Variants in CD40 observed in about 807,000 individuals in gnomAD.
CD40 encodes tumor necrosis factor receptor superfamily member 5.
A neutral mutation model predicts 38.5 loss-of-function variants in CD40; 19 were observed. The ratio of observed to expected loss-of-function variants is 0.49; its 90% CI spans 0.34 to 0.72. The LOEUF is 0.72. Among genes scored for constraint, CD40 ranks in the 30% least tolerant of loss-of-function variants. CD40 has a pLI of 0.01. For synonymous variants in CD40, 130 were observed against 128.7 expected, an observed-to-expected ratio of 1.01 and a Z score of -0.07; for missense variants, 256 against 344.1, an observed-to-expected ratio of 0.74 and a Z score of 2.03.
At position 46,118,378 on chromosome 20, in the gene CD40, G is replaced by A; in HGVS notation, c.35G>A (p.Gly12Asp). 1.2e-6 allele frequency: 2 copies of A among 1,614,100 alleles called. No individual in the cohort carries two copies. The highest frequency in any genetic ancestry group is 1.7e-6 in the Non-Finnish European group (2 of 1,179,992). Residue 12 changes from glycine to aspartate, a missense_variant, in exon 1 of 9, where the codon GGC (glycine) becomes GAC (aspartate). Coordinates refer to ENST00000372285, the MANE Select transcript of CD40 (RefSeq NM_001250.6). ...VRLPLQCVLWGCLLTAVHPEP... is the reference protein window; with the variant it reads ...VRLPLQCVLWDCLLTAVHPEP... ...CTGCCTCTGCAGTGCGTCCTCTGGG[G>A]CTGCTTGCTGACCGCTGTGAGTTGT...
At chr20:46,128,596 C>T (rs868675588) in intron 8 of CD40, 3 of 707,244 alleles carry the variant, frequency 4.2e-6, no homozygotes, top group South Asian at 3.0e-5. Context: ...TCACTCCTTT[C>T]CTGGCATTCA....
chr20:46,124,553 C>G (rs1045866328), intron 5 of CD40, among the ~76,000 whole-genome samples: 1 of 54,896 alleles, frequency 1.8e-5, no homozygotes, highest in Non-Finnish European at 3.4e-5. Flanking sequence ...TACTTTTGCA[C>G]AAATAGGAGT....
Position 46,129,143 on chromosome 20 carries a change from A to G in CD40, c.*103A>G. The stretch of plus-strand genomic sequence containing the variant: ...GCGTGAGGGTGAGGGGCTGGCACTG[A>G]CTGGGCATAGCTCCCCGCTTCTGCC... On this transcript the variant is annotated 3_prime_UTR_variant, in exon 9 of 9. Coordinates refer to ENST00000372285, the MANE Select transcript of CD40 (RefSeq NM_001250.6). 1 of 1,329,404 alleles carries G rather than the reference A, an allele frequency of 7.5e-7. No individual in the cohort carries two copies. Among genetic ancestry groups the G allele is most frequent in the Non-Finnish European group, 1.1e-6 (1 of 932,694 alleles). The allele number at this position is 1,329,404 out of a possible 1,614,324, so 82.4% of individuals were successfully genotyped here. A position where few individuals can be genotyped will look rare whatever the true frequency, so the allele number is the denominator to read the frequency against.
rs2085475102 is a variant in CD40 at position 46,128,231 on chromosome 20, C to T, written c.646+7C>T. 12 of 1,612,450 alleles carry T rather than the reference C, an allele frequency of 7.4e-6. No homozygotes were observed. The highest frequency in any genetic ancestry group is 1.0e-5 in the Non-Finnish European group (12 of 1,179,688). On this transcript the variant is annotated splice_region_variant and intron_variant, in intron 7 of 8. Transcript: ENST00000372285. ...TTGGTGCTGGTCTTTATCAGTGAGT[C>T]CTCAGGTGGGGAGGTGTTGGGGGAG...
intron 5 of CD40, among the ~76,000 whole-genome samples, 160 bp from the exon 6 acceptor site, chr20:46,126,480 A>T (rs965363102): frequency 6.6e-6 from 1 of 152,366 alleles, no homozygotes; most frequent in Admixed American, 6.5e-5. Context: ...TCGTTCCTAT[A>T]ATAACCAGCA....
intron 5 of CD40, among the ~76,000 whole-genome samples, chr20:46,125,421 G>A (rs2085414350): frequency 6.6e-6 from 1 of 151,888 alleles, no homozygotes; most frequent in Middle Eastern, 3.4e-3. Context: ...GCGCACATCT[G>A]TAGTCCCAGC....
At chr20:46,124,759 T>TTG (rs2145600787) in intron 5 of CD40, among the ~76,000 whole-genome samples, 2 of 100,096 alleles carry the variant, frequency 2.0e-5, no homozygotes, top group African/African-American at 4.1e-5. Context: ...TAGTTTTTTT[T>TTG]TTTTTTTTTT....
Position 46,129,308 on chromosome 20 carries a change from G to A in CD40, c.*268G>A, listed in dbSNP as rs1376843378. 2 of 486,608 alleles carry A rather than the reference G, an allele frequency of 4.1e-6. No homozygotes were observed. Among genetic ancestry groups the A allele is most frequent in the East Asian group, 4.0e-5 (1 of 25,032 alleles). The allele number at this position is 486,608 out of a possible 1,614,324, so 30.1% of individuals were successfully genotyped here. On this transcript the variant is annotated 3_prime_UTR_variant, in exon 9 of 9. Transcript: ENST00000372285. ...CAGAGGCAGAAGTTTGGTGGTGGTGGTGTTGGGGTATGGTTTAGTAATATC... is the reference window on the plus strand; with the variant it reads ...CAGAGGCAGAAGTTTGGTGGTGGTGATGTTGGGGTATGGTTTAGTAATATC...
intron 6 of CD40, chr20:46,127,886 A>G (rs1029232667): frequency 1.6e-6 from 1 of 624,164 alleles, no homozygotes; most frequent in East Asian, 3.4e-5. Flanking sequence ...TGTAAGAGAA[A>G]TCAGATGTCT....
At chr20:46,127,600 C>G (rs1266339655) in intron 6 of CD40, among the ~76,000 whole-genome samples, 1 of 152,204 alleles carries the variant, frequency 6.6e-6, no homozygotes, top group Non-Finnish European at 1.5e-5. Flanking sequence ...AATTTCATCC[C>G]TTGCCTCACG....
At chr20:46,124,225 G>A (rs1192378021) in intron 5 of CD40, among the ~76,000 whole-genome samples, 2 of 152,306 alleles carry the variant, frequency 1.3e-5, no homozygotes, top group East Asian at 1.9e-4. Flanking sequence ...ACTTGAACCC[G>A]GAAGGTGGAG....
chr20:46,121,615 A>G, intron 1 of CD40: 1 of 629,938 alleles, frequency 1.6e-6, no homozygotes, highest in Non-Finnish European at 2.9e-6. Context: ...TAAAAATACC[A>G]GAATGATTCT....
intron 7 of CD40, 47 bp downstream of exon 7, chr20:46,128,271 CTGTTTCT>C: frequency 6.2e-7 from 1 of 1,604,038 alleles, no homozygotes; most frequent in Non-Finnish European, 8.5e-7. Flanking sequence ...GGGAGACCAC[CTGTTTCT>C]TATCTGGCCT....
chr20:46,122,609 G>A lies in CD40; in HGVS notation c.257-1G>A. ...CATCCTTCCTGCCCTTCTCTTCTCA[G>A]ACCTAGGGCTTCGGGTCCAGCAGAA... On this transcript the variant is annotated splice_acceptor_variant, in intron 3 of 8. Transcript: ENST00000372285. LOFTEE classifies it high-confidence loss of function. The surrounding 1 kb of genome is among the most constrained non-coding windows in gnomAD (Gnocchi z 5.0). 6.2e-7 allele frequency: 1 copy of A among 1,614,124 alleles called. No individual in the cohort carries two copies. Among genetic ancestry groups the A allele is most frequent in the Non-Finnish European group, 8.5e-7 (1 of 1,180,030 alleles).
chr20:46,127,643 T>C (rs1439796309), intron 6 of CD40, among the ~76,000 whole-genome samples: 1 of 152,256 alleles, frequency 6.6e-6, no homozygotes, highest in Non-Finnish European at 1.5e-5. Context: ...GTCTTTCTTT[T>C]ATTTTCCCAC....
intron 6 of CD40, chr20:46,126,988 G>A (rs902536297): frequency 4.2e-5 from 21 of 495,868 alleles, no homozygotes; most frequent in African/African-American, 3.7e-4. Flanking sequence ...GTAAATCAGT[G>A]AAAAAGGTCA....
intron 8 of CD40, chr20:46,128,627 T>G: frequency 1.5e-6 from 1 of 686,256 alleles, no homozygotes; most frequent in Non-Finnish European, 2.6e-6. Flanking sequence ...AGCTGCATCT[T>G]TGGGCCTTGG....
chr20:46,128,703 G>A, intron 8 of CD40, 179 bp from the exon 9 acceptor site: 2 of 690,694 alleles, frequency 2.9e-6, no homozygotes, highest in Non-Finnish European at 5.0e-6. Flanking sequence ...CACTCTGGAA[G>A]CTCTTCGTCG....
chr20:46,123,316 C>A, intron 5 of CD40, 97 bp downstream of exon 5: 1 of 924,668 alleles, frequency 1.1e-6, no homozygotes, highest in Non-Finnish European at 1.8e-6. Flanking sequence ...TCCCAGAGGT[C>A]CACACACACT....
Sources: allele counts gnomAD v4.1 joint callset (sites outside exome capture counted in the v4.1 genomes callset), GRCh38; gene constraint gnomAD v4.1.1; non-coding constraint Gnocchi (gnomAD v3.1); transcripts MANE v1.5; gene names NCBI Gene and HGNC (gene_info 2026-07-23, HGNC 2026-07-21).